The following SLC25A21 variants were observed in gnomAD, a reference collection of about 807,000 sequenced individuals.
The protein encoded by SLC25A21 is solute carrier family 25 member 21, also known as mitochondrial 2-oxodicarboxylate carrier.
Under a neutral mutation model 43.8 loss-of-function variants are expected in SLC25A21, and 47 were observed. The ratio of observed to expected loss-of-function variants is 1.07; its 90% CI spans 0.85 to 1.37. The LOEUF (loss-of-function observed/expected upper bound fraction) is 1.37, where lower values mean the gene tolerates loss of function less well. SLC25A21 is among the 40% of genes most tolerant of loss of function. The pLI, the probability that SLC25A21 is intolerant of heterozygous loss-of-function variation, is 0.00. For synonymous variants in SLC25A21, 131 were observed against 121.3 expected, an observed-to-expected ratio of 1.08 and a Z score of -0.52; for missense variants, 352 against 350.2, an observed-to-expected ratio of 1.00 and a Z score of -0.04.
chr14:37,100,260 T>C (rs1365291610), intron 1 of SLC25A21, among the ~76,000 whole-genome samples: 11 of 152,100 alleles, frequency 7.2e-5, no homozygotes, highest in Non-Finnish European at 1.0e-4. Context: ...GGTTTCACCA[T>C]GTTGGCCAGG....
At chr14:37,156,869 T>TC (rs1225622202) in intron 1 of SLC25A21, among the ~76,000 whole-genome samples, 1 of 151,804 alleles carries the variant, frequency 6.6e-6, no homozygotes, top group Non-Finnish European at 1.5e-5. Context: ...ACTAGACAGA[T>TC]CATCTACACA....
At chr14:36,919,955 T>C (rs962475046) in intron 1 of SLC25A21, among the ~76,000 whole-genome samples, 2 of 152,092 alleles carry the variant, frequency 1.3e-5, no homozygotes, top group Non-Finnish European at 2.9e-5. Context: ...GTTTTGTATA[T>C]AGATGTGTCC....
At position 36,928,331 on chromosome 14, in the gene SLC25A21, G is replaced by A. The variant is rs376727918; in HGVS notation, c.71-53327C>T. 1.3e-4 allele frequency among the ~76,000 whole-genome samples: 20 copies of A among 152,194 alleles called. No individual in the cohort carries two copies. In the East Asian group the frequency reaches 1.3e-3, roughly 10 times the overall value. On this transcript the variant is annotated intron_variant, in intron 1 of 9. Transcript: ENST00000331299. Reference sequence around the variant, plus strand: ...AATGCCAGAAGCATTAAACATGATCGTTTTGCTTTTAAATAAAATGTGGTT... The same window carrying A: ...AATGCCAGAAGCATTAAACATGATCATTTTGCTTTTAAATAAAATGTGGTT...
intron 1 of SLC25A21, among the ~76,000 whole-genome samples, chr14:36,878,027 C>G (rs755986287): frequency 2.0e-5 from 3 of 152,152 alleles, no homozygotes; most frequent in Non-Finnish European, 4.4e-5. Flanking sequence ...TCCCAATAAT[C>G]TAATCATCTT....
chr14:36,973,959 A>G (rs963196414), intron 1 of SLC25A21, among the ~76,000 whole-genome samples: 3 of 152,220 alleles, frequency 2.0e-5, no homozygotes, highest in Non-Finnish European at 4.4e-5. Flanking sequence ...GAAGGAAGTC[A>G]GCTAAGAACG....
At chr14:37,012,581 A>G (rs1960756900) in intron 1 of SLC25A21, among the ~76,000 whole-genome samples, 1 of 152,124 alleles carries the variant, frequency 6.6e-6, no homozygotes. Flanking sequence ...AAAGTTTAGT[A>G]TTTTCTGGAG....
chr14:36,872,965 C>T (rs12232183), intron 2 of SLC25A21, among the ~76,000 whole-genome samples: 66,895 of 152,020 alleles, frequency 0.44, 16,072 homozygotes, highest in Non-Finnish European at 0.52. Flanking sequence ...GCTCAATACA[C>T]GTGTGTTGAA....
At chr14:36,884,570 C>T (rs968720553) in intron 1 of SLC25A21, among the ~76,000 whole-genome samples, 6 of 152,142 alleles carry the variant, frequency 3.9e-5, no homozygotes, top group African/African-American at 1.2e-4. Flanking sequence ...TCCATAATGG[C>T]TATACTAATA....
chr14:36,830,283 T>C (rs1888989525), intron 2 of SLC25A21, among the ~76,000 whole-genome samples: 1 of 152,228 alleles, frequency 6.6e-6, no homozygotes, highest in African/African-American at 2.4e-5. Context: ...CAGCAAAAGA[T>C]GCTACCTAAG....
At chr14:36,683,528 T>C (rs1490330138) in intron 9 of SLC25A21, among the ~76,000 whole-genome samples, 1 of 152,232 alleles carries the variant, frequency 6.6e-6, no homozygotes, top group East Asian at 1.9e-4. Flanking sequence ...CAGAAGCCAC[T>C]GCACACACCT....
intron 1 of SLC25A21, among the ~76,000 whole-genome samples, chr14:36,999,486 C>T (rs1365637723): frequency 6.6e-6 from 1 of 151,982 alleles, no homozygotes; most frequent in Admixed American, 6.6e-5. Flanking sequence ...ATGTACAACA[C>T]GAAGAGTGAA....
chr14:36,996,262 T>G (rs1168896099), intron 1 of SLC25A21, among the ~76,000 whole-genome samples: 1 of 152,204 alleles, frequency 6.6e-6, no homozygotes, highest in Non-Finnish European at 1.5e-5. Flanking sequence ...ATTATCTTAG[T>G]TCTCTGTGCT....
intron 1 of SLC25A21, among the ~76,000 whole-genome samples, chr14:37,142,561 C>G (rs1963588549): frequency 6.6e-6 from 1 of 152,034 alleles, no homozygotes; most frequent in African/African-American, 2.4e-5. Flanking sequence ...CGAGGTCTCA[C>G]TATGTTACCA....
At chr14:36,801,518 T>C (rs1887868257) in intron 3 of SLC25A21, among the ~76,000 whole-genome samples, 3 of 152,208 alleles carry the variant, frequency 2.0e-5, no homozygotes, top group Non-Finnish European at 4.4e-5. Flanking sequence ...CTTACTTCTC[T>C]ACGCTTCCTT....
At chr14:37,102,438 CAA>C (rs201756864) in intron 1 of SLC25A21, among the ~76,000 whole-genome samples, 69 of 123,776 alleles carry the variant, frequency 5.6e-4, no homozygotes, top group Middle Eastern at 4.5e-3. Flanking sequence ...GACCTTGTCT[CAA>C]AAAAAAAAAA....
At chr14:36,714,495 AGGTG>A (rs1002660412) in intron 6 of SLC25A21, among the ~76,000 whole-genome samples, 2 of 152,198 alleles carry the variant, frequency 1.3e-5, no homozygotes, top group African/African-American at 4.8e-5. Flanking sequence ...TTATCCCTCA[AGGTG>A]AGTACCCTGG....
rs183466717 is a variant in SLC25A21 at position 36,683,923 on chromosome 14, A to C, written c.786-43T>G. On this transcript the variant is annotated intron_variant, in intron 8 of 9. Transcript: ENST00000331299. ...AGAGAAACGTTCTTATTCTGAAAAT[A>C]AATGGAGTTGTACCTTAGCTTTATT... 3 of 1,495,578 alleles carry C rather than the reference A, an allele frequency of 2.0e-6. No individual in the cohort carries two copies. The East Asian group carries it at 6.8e-5, about 34-fold the overall frequency. 92.6% of individuals were successfully genotyped at this position (1,495,578 alleles called of 1,614,324 possible). A position where few individuals can be genotyped will look rare whatever the true frequency, so the allele number is the denominator to read the frequency against.
At chr14:36,998,895 A>G (rs1478940413) in intron 1 of SLC25A21, among the ~76,000 whole-genome samples, 1 of 152,094 alleles carries the variant, frequency 6.6e-6, no homozygotes, top group African/African-American at 2.4e-5. Flanking sequence ...CAGAACCCCA[A>G]CAATGCCAAA....
chr14:36,686,582 TAAGTAA>T (rs1594486883), intron 7 of SLC25A21, among the ~76,000 whole-genome samples: 1 of 152,144 alleles, frequency 6.6e-6, no homozygotes, highest in African/African-American at 2.4e-5. Context: ...AACAATAATA[TAAGTAA>T]AAGTGTTATA....
Sources: gnomAD v4.1 joint callset for allele counts (sites outside exome capture counted in the v4.1 genomes callset) on GRCh38, gnomAD v4.1.1 for gene constraint, MANE v1.5 for transcripts, NCBI Gene and HGNC (gene_info 2026-07-23, HGNC 2026-07-21) for gene names.